MACF1: variants seen among roughly 807,000 people sequenced by gnomAD.
MACF1 encodes the protein microtubule actin crosslinking factor 1.
Under a neutral mutation model 854.8 loss-of-function variants are expected in MACF1, and 193 were observed. The observed-to-expected ratio is 0.23, with a 90% confidence interval of 0.20 to 0.25. MACF1 has a LOEUF of 0.25. MACF1 is among the 10% of genes least tolerant of loss of function. The pLI is 1.00. For missense variants in MACF1, 7,722 were observed against 8,929.1 expected (o/e 0.86, Z 5.45); for synonymous variants, 3,185 against 3,226.7 (o/e 0.99, Z 0.44).
rs1647692751 is a variant in MACF1 at position 39,357,459 on chromosome 1, C to T, written c.11509C>T (p.His3837Tyr). Reference protein sequence around the residue: ...SAQAFLDQHGHNLTPEEQQML... With the variant: ...SAQAFLDQHGYNLTPEEQQML... The stretch of plus-strand genomic sequence containing the variant: ...TCAGGCCTTCTTGGATCAGCATGGC[C>T]ACAATCTCACACCTGAGGAGCAACA... The change falls in exon 45 of 101, where the codon CAC becomes TAC. Residue 3837 changes from histidine (H) to tyrosine (Y), a missense_variant. Transcript: ENST00000564288. 6.8e-6 allele frequency: 11 copies of T among 1,614,126 alleles called. No homozygotes were observed. The highest frequency in any genetic ancestry group is 9.3e-6 in the Non-Finnish European group (11 of 1,180,028).
At chr1:39,169,108 GTT>G (rs1335903977) in intron 2 of MACF1, among the ~76,000 whole-genome samples, 2 of 152,136 alleles carry the variant, frequency 1.3e-5, no homozygotes, top group Non-Finnish European at 2.9e-5. Flanking sequence ...GTTCTTCAGA[GTT>G]TCTCTTAAAT....
At chr1:39,259,912 C>T (rs763249522) in intron 6 of MACF1, among the ~76,000 whole-genome samples, 34 of 152,262 alleles carry the variant, frequency 2.2e-4, no homozygotes, top group African/African-American at 7.0e-4. Flanking sequence ...CCACCGTGCC[C>T]GGCCAGAAGA....
intron 84 of MACF1, among the ~76,000 whole-genome samples, chr1:39,450,643 G>A (rs1195764690): frequency 4.1e-5 from 5 of 122,928 alleles, no homozygotes; most frequent in East Asian, 2.3e-4. Flanking sequence ...ATGGAATCTC[G>A]CTCTGTCTCC....
chr1:39,162,020 G>T (rs1325856585), intron 2 of MACF1, among the ~76,000 whole-genome samples: 2 of 151,736 alleles, frequency 1.3e-5, no homozygotes, highest in African/African-American at 4.8e-5. Flanking sequence ...CTATGATCAT[G>T]CCACTGCACT....
chr1:39,235,044 T>G (rs1317048377), intron 2 of MACF1, among the ~76,000 whole-genome samples: 1 of 150,474 alleles, frequency 6.6e-6, no homozygotes, highest in Non-Finnish European at 1.5e-5. Flanking sequence ...GCAGAGGGGC[T>G]CCTCACATCC....
chr1:39,437,709 T>C (rs1644012384), intron 70 of MACF1, 68 bp from the exon 71 acceptor site: 1 of 1,186,970 alleles, frequency 8.4e-7, no homozygotes. Flanking sequence ...CTTGTCCTTA[T>C]TCCCTAACAC....
chr1:39,307,232 G>A (rs556889852), intron 23 of MACF1, among the ~76,000 whole-genome samples: 1 of 150,822 alleles, frequency 6.6e-6, no homozygotes, highest in African/African-American at 2.4e-5. Flanking sequence ...CTAGCTTTCA[G>A]GATTTCTTGT....
chr1:39,251,438 G>A (rs1433842198), intron 3 of MACF1, among the ~76,000 whole-genome samples: 1 of 152,052 alleles, frequency 6.6e-6, no homozygotes, highest in Admixed American at 6.5e-5. Flanking sequence ...TTTTTTGGTT[G>A]TATTGCTTAC....
chr1:39,135,566 T>G (rs1224119809), intron 2 of MACF1, among the ~76,000 whole-genome samples: 1 of 152,044 alleles, frequency 6.6e-6, no homozygotes, highest in Non-Finnish European at 1.5e-5. Flanking sequence ...ATGAATTGAT[T>G]GTCTAAGGTG....
At chr1:39,118,506 A>G (rs1028140393) in intron 2 of MACF1, among the ~76,000 whole-genome samples, 20 of 152,222 alleles carry the variant, frequency 1.3e-4, no homozygotes, top group Admixed American at 1.0e-3. Flanking sequence ...TATTAGGAAG[A>G]ATGAGGAACT....
chr1:39,261,544 A>G (rs916697520), intron 6 of MACF1, among the ~76,000 whole-genome samples: 1 of 152,222 alleles, frequency 6.6e-6, no homozygotes, highest in Non-Finnish European at 1.5e-5. Flanking sequence ...TTTCATATAA[A>G]TGGAATCCTA....
chr1:39,278,565 A>G (rs1645482680), intron 6 of MACF1, among the ~76,000 whole-genome samples: 1 of 152,230 alleles, frequency 6.6e-6, no homozygotes, highest in Admixed American at 6.5e-5. Context: ...GAAGAACCCA[A>G]ATACTCAGAT....
At chr1:39,322,231 C>T (rs1646528009) in intron 31 of MACF1, among the ~76,000 whole-genome samples, 1 of 152,196 alleles carries the variant, frequency 6.6e-6, no homozygotes, top group African/African-American at 2.4e-5. Context: ...CGTGAGCAAA[C>T]TATGACCCAC....
At chr1:39,153,970 G>C (rs1643632844) in intron 2 of MACF1, among the ~76,000 whole-genome samples, 1 of 152,180 alleles carries the variant, frequency 6.6e-6, no homozygotes, top group Non-Finnish European at 1.5e-5. Context: ...TAAGTCACTG[G>C]AGACATTTTT....
chr1:39,142,141 T>C (rs996355051), intron 2 of MACF1, among the ~76,000 whole-genome samples: 4 of 152,160 alleles, frequency 2.6e-5, no homozygotes, highest in Non-Finnish European at 4.4e-5. Flanking sequence ...CTGCCTCACA[T>C]AGTTTTGATT....
chr1:39,250,006 A>G lies in MACF1; in HGVS notation c.172-8A>G, dbSNP rs775913153. On this transcript the variant is annotated splice_region_variant and splice_polypyrimidine_tract_variant and intron_variant, in intron 2 of 100. Coordinates refer to ENST00000564288, the MANE Select transcript of MACF1 (RefSeq NM_001394062.1). ...ATAAAAATCTGTCTGTTTCACTCTC[A>G]TTCACAGGTCCGCAAGCACATCAAT... 6.3e-7 allele frequency: 1 copy of G among 1,576,742 alleles called. No individual in the cohort carries two copies. Among genetic ancestry groups the G allele is most frequent in the Non-Finnish European group, 8.7e-7 (1 of 1,149,058 alleles).
At chr1:39,439,556 T>C (rs1644056242) in intron 72 of MACF1, 56 bp downstream of exon 72, 3 of 1,402,580 alleles carry the variant, frequency 2.1e-6, no homozygotes, top group South Asian at 2.5e-5. Context: ...AAAAAGCACT[T>C]TATCAAATCA....
Position 39,232,935 on chromosome 1 carries a change from A to G in MACF1, c.171+1692A>G, listed in dbSNP as rs575033008. Among the ~76,000 whole-genome samples, 3 of 151,996 alleles carry G rather than the reference A, an allele frequency of 2.0e-5. No homozygotes were observed. The South Asian group carries it at 6.2e-4, about 32-fold the overall frequency. ...GTAGCTGGAACTACAGGCATGCACT[A>G]CCACACCCGGCTAATTTTTAAATTT... On this transcript the variant is annotated intron_variant, in intron 2 of 100. Coordinates refer to ENST00000564288, the MANE Select transcript of MACF1 (RefSeq NM_001394062.1).
At position 39,332,235 on chromosome 1, in the gene MACF1, C is replaced by T. The variant is rs751504395; in HGVS notation, c.5647C>T (p.Arg1883Ter). 9 of 1,613,844 alleles carry T rather than the reference C, an allele frequency of 5.6e-6. No individual in the cohort carries two copies. The highest frequency in any genetic ancestry group is 2.2e-5 in the East Asian group (1 of 44,876). Residue 1883 changes from arginine (R) to a stop codon, truncating the protein, a stop_gained, in exon 37 of 101, where the codon CGA becomes TGA. Coordinates refer to ENST00000564288, the MANE Select transcript of MACF1 (RefSeq NM_001394062.1). LOFTEE classifies it high-confidence loss of function. Reference protein sequence around the residue: ...TELAHKILSNRQHIKALFLPA... With the variant: ...TELAHKILSN ...ACTAGCACATAAAATCCTTAGTAAC[C>T]GACAGCATATTAAGGCTCTGTTTCT...
Sources: gnomAD v4.1 joint callset for allele counts (sites outside exome capture counted in the v4.1 genomes callset) on GRCh38, gnomAD v4.1.1 for gene constraint, MANE v1.5 for transcripts, NCBI Gene and HGNC (gene_info 2026-07-23, HGNC 2026-07-21) for gene names.